Variants in C22orf39 observed in about 807,000 individuals in gnomAD.
C22orf39 encodes the protein chromosome 22 open reading frame 39.
A neutral mutation model predicts 18.3 loss-of-function variants in C22orf39; 20 were observed. The ratio of observed to expected loss-of-function variants is 1.09; its 90% CI spans 0.77 to 1.59. C22orf39 has a LOEUF of 1.59. C22orf39 is among the 40% of genes most tolerant of loss of function. C22orf39 has a pLI of 0.00. For missense variants in C22orf39, 195 were observed against 156.1 expected, an observed-to-expected ratio of 1.25 and a Z score of -1.33; for synonymous variants, 63 against 59.6, an observed-to-expected ratio of 1.06 and a Z score of -0.26.
chr22:19,441,323 GT>G lies in C22orf39; in HGVS notation c.*2941del. On this transcript the variant is annotated 3_prime_UTR_variant, in exon 3 of 3. Transcript: ENST00000399562. ...TACATGTATGTTTTCAAGATTGGCT[GT>G]TTTTGCTCTGAAGAATTTCCTTGAG... 3 of 277,394 alleles carry G rather than the reference GT, an allele frequency of 1.1e-5. No homozygotes were observed. Among genetic ancestry groups the G allele is most frequent in the East Asian group, 6.7e-5 (1 of 14,992 alleles). The allele number at this position is 277,394 out of a possible 1,614,324, so 17.2% of individuals were successfully genotyped here.
intron 2 of C22orf39, among the ~76,000 whole-genome samples, chr22:19,446,899 A>G (rs1164679427): frequency 6.6e-6 from 1 of 152,140 alleles, no homozygotes; most frequent in Admixed American, 6.6e-5. Flanking sequence ...TATAAATCGA[A>G]TTATGCCTCC....
At chr22:19,446,380 T>C (rs2089639576) in intron 2 of C22orf39, among the ~76,000 whole-genome samples, 1 of 152,340 alleles carries the variant, frequency 6.6e-6, no homozygotes, top group East Asian at 1.9e-4. Context: ...TTCAGATCAC[T>C]GTATACACTT....
In C22orf39 at chr22:19,447,490, C is replaced by A; in HGVS notation, c.80G>T (p.Arg27Met). ...GACGTAGTAGTGGTGTAGGAAGTGC[C>A]TGGCGCTGCGGCAGAGCTTCCACTC... Reference protein sequence around the residue: ...RAEWKLCRSARHFLHHYYVHG... With the variant: ...RAEWKLCRSAMHFLHHYYVHG... The change falls in exon 2 of 3, where the codon AGG becomes ATG. Residue 27 changes from arginine (R) to methionine (M), a missense_variant. Coordinates refer to ENST00000399562, the MANE Select transcript of C22orf39 (RefSeq NM_173793.5). 1 of 1,502,724 alleles carries A rather than the reference C, an allele frequency of 6.7e-7. No individual in the cohort carries two copies. The highest frequency in any genetic ancestry group is 8.8e-7 in the Non-Finnish European group (1 of 1,133,488). 93.1% of individuals were successfully genotyped at this position (1,502,724 alleles called of 1,614,324 possible).
In C22orf39 at chr22:19,440,894, C is replaced by T. The variant is rs1428856610; in HGVS notation, c.*3371G>A. On this transcript the variant is annotated 3_prime_UTR_variant, in exon 3 of 3. Transcript: ENST00000399562. ...TAGGTCATGGCCGACAGTTTGTTTT[C>T]AACTTTTTATTTTGAAGTAATTATA... 2 of 152,082 alleles carry T rather than the reference C, an allele frequency of 1.3e-5. No individual in the cohort carries two copies. Among genetic ancestry groups the T allele is most frequent in the African/African-American group, 4.8e-5 (2 of 41,392 alleles). The allele number at this position is 152,082 out of a possible 1,614,324, so 9.4% of individuals were successfully genotyped here. A position where few individuals can be genotyped will look rare whatever the true frequency, so the allele number is the denominator to read the frequency against.
In C22orf39 at chr22:19,442,010, C is replaced by T. The variant is rs1464520413; in HGVS notation, c.*2255G>A. ...CTTGTTACGTTGCCCAGGCTGGTCT[C>T]GAACTCCTGGGCTCAAGCAATCCTC... On this transcript the variant is annotated 3_prime_UTR_variant, in exon 3 of 3. Coordinates refer to ENST00000399562, the MANE Select transcript of C22orf39 (RefSeq NM_173793.5). 3.2e-5 allele frequency: 7 copies of T among 217,288 alleles called. No individual in the cohort carries two copies. The highest frequency in any genetic ancestry group is 1.2e-4 in the Admixed American group (2 of 17,268). The allele number at this position is 217,288 out of a possible 1,614,324, so 13.5% of individuals were successfully genotyped here.
At position 19,444,457 on chromosome 22, in the gene C22orf39, C is replaced by A. The variant is rs371146764; in HGVS notation, c.193-67G>T. Reference sequence around the variant, plus strand: ...CCCTCAAGACCCCTGTACCTCCCCCCTCTCATCACCCTCTGAAACACAGAT... The same window carrying A: ...CCCTCAAGACCCCTGTACCTCCCCCATCTCATCACCCTCTGAAACACAGAT... On this transcript the variant is annotated intron_variant, in intron 2 of 2. Coordinates refer to ENST00000399562, the MANE Select transcript of C22orf39 (RefSeq NM_173793.5). 9.9e-6 allele frequency: 15 copies of A among 1,516,360 alleles called. No homozygotes were observed. The African/African-American group carries it at 1.3e-4, about 13-fold the overall frequency. 93.9% of individuals were successfully genotyped at this position (1,516,360 alleles called of 1,614,324 possible).
In C22orf39 at chr22:19,447,417, G is replaced by C; in HGVS notation, c.153C>G (p.Ser51Arg). 6.6e-7 allele frequency: 1 copy of C among 1,507,574 alleles called. No homozygotes were observed. The highest frequency in any genetic ancestry group is 8.8e-7 in the Non-Finnish European group (1 of 1,136,042). 93.4% of individuals were successfully genotyped at this position (1,507,574 alleles called of 1,614,324 possible). ...TCCGGCGCTCCTCCCAGTCGCGGCA[G>C]CTGGCCAGGTCGCGCTGCCACTGTT... is the stretch of plus-strand genomic sequence containing the variant. ...ACEQWQRDLA[S>R]CRDWEERRNA... Residue 51 changes from serine to arginine, a missense_variant, in exon 2 of 3, where the codon AGC becomes AGG. By Grantham distance (110) the Ser-to-Arg change is moderately radical. Coordinates refer to ENST00000399562, the MANE Select transcript of C22orf39 (RefSeq NM_173793.5).
chr22:19,444,261 C>G lies in C22orf39; in HGVS notation c.*4G>C, dbSNP rs368195480. ...GCTGCACAGGCCAATGGCAGGGATG[C>G]TTGTCACTCGTCCTTCTCCTGTGGC... On this transcript the variant is annotated 3_prime_UTR_variant, in exon 3 of 3. Coordinates refer to ENST00000399562, the MANE Select transcript of C22orf39 (RefSeq NM_173793.5). 8 of 1,577,492 alleles carry G rather than the reference C, an allele frequency of 5.1e-6. No homozygotes were observed. Among genetic ancestry groups the G allele is most frequent in the Non-Finnish European group, 6.9e-6 (8 of 1,166,856 alleles).
At position 19,441,748 on chromosome 22, in the gene C22orf39, T is replaced by A; in HGVS notation, c.*2517A>T. 6.6e-7 allele frequency: 1 copy of A among 1,518,142 alleles called. No homozygotes were observed. Among genetic ancestry groups the A allele is most frequent in the East Asian group, 2.5e-5 (1 of 39,658 alleles). The allele number at this position is 1,518,142 out of a possible 1,614,324, so 94.0% of individuals were successfully genotyped here. ...CTTATTACAGTATTTGTTTTCTTCA[T>A]ACCACCACCATAAAATACCAAACTG... On this transcript the variant is annotated 3_prime_UTR_variant, in exon 3 of 3. Coordinates refer to ENST00000399562, the MANE Select transcript of C22orf39 (RefSeq NM_173793.5).
At position 19,441,552 on chromosome 22, in the gene C22orf39, G is replaced by A; in HGVS notation, c.*2713C>T. The A allele has an allele frequency of 1.6e-6, 1 of 641,158 alleles. No individual in the cohort carries two copies. Among genetic ancestry groups the A allele is most frequent in the South Asian group, 1.7e-5 (1 of 58,270 alleles). 39.7% of individuals were successfully genotyped at this position (641,158 alleles called of 1,614,324 possible). A position where few individuals can be genotyped will look rare whatever the true frequency, so the allele number is the denominator to read the frequency against. ...ATTTTTAAAACATTTATTTAGAGATGGGGTCTTGCTCTGTTGCCCAGGCTG... is the reference window on the plus strand; with the variant it reads ...ATTTTTAAAACATTTATTTAGAGATAGGGTCTTGCTCTGTTGCCCAGGCTG... On this transcript the variant is annotated 3_prime_UTR_variant, in exon 3 of 3. Transcript: ENST00000399562.
In C22orf39 at chr22:19,442,162, A is replaced by C. The variant is rs932898143; in HGVS notation, c.*2103T>G. 3 of 154,888 alleles carry C rather than the reference A, an allele frequency of 1.9e-5. No individual in the cohort carries two copies. Among genetic ancestry groups the C allele is most frequent in the Admixed American group, 1.9e-4 (3 of 15,580 alleles). The allele number at this position is 154,888 out of a possible 1,614,324, so 9.6% of individuals were successfully genotyped here. ...CCAAACTACAACAGAAACTCTTTGA[A>C]GACAACTTGTCTGTTTCAAAACTGT... On this transcript the variant is annotated 3_prime_UTR_variant, in exon 3 of 3. Transcript: ENST00000399562.
Position 19,441,713 on chromosome 22 carries a change from A to G in C22orf39, c.*2552T>C, listed in dbSNP as rs1281542377. On this transcript the variant is annotated 3_prime_UTR_variant, in exon 3 of 3. Coordinates refer to ENST00000399562, the MANE Select transcript of C22orf39 (RefSeq NM_173793.5). ...TTAGCACCTGTCCAAAAAGTTTGAA[A>G]GATATTGCTCTTATTACAGTATTTG... The G allele has an allele frequency of 3.5e-5, 55 of 1,549,828 alleles. No homozygotes were observed. The Admixed American group carries it at 1.1e-3, about 30-fold the overall frequency.
chr22:19,445,354 T>A (rs916791976), intron 2 of C22orf39, among the ~76,000 whole-genome samples: 9 of 152,228 alleles, frequency 5.9e-5, no homozygotes, highest in Admixed American at 1.3e-4. Context: ...AAAGGCTATC[T>A]GGTATTTCAC....
At position 19,447,223 on chromosome 22, in the gene C22orf39, C is replaced by A. The variant is rs377177214; in HGVS notation, c.192+155G>T. Among the ~76,000 whole-genome samples, 24 of 152,302 alleles carry A rather than the reference C, an allele frequency of 1.6e-4. No individual in the cohort carries two copies. In the East Asian group the frequency reaches 3.9e-3, roughly 25 times the overall value. On this transcript the variant is annotated intron_variant, in intron 2 of 2. Transcript: ENST00000399562. The stretch of plus-strand genomic sequence containing the variant: ...GCCCTCTGAAAGTCCTGTTGATATG[C>A]TAATTTACACAATCTCTCAAAAGAA...
In C22orf39 at chr22:19,444,082, G is replaced by A; in HGVS notation, c.*183C>T. On this transcript the variant is annotated 3_prime_UTR_variant, in exon 3 of 3. Coordinates refer to ENST00000399562, the MANE Select transcript of C22orf39 (RefSeq NM_173793.5). Reference sequence around the variant, plus strand: ...GTCCTGCAGAACATCGCAGTGTCAGGGTATCCTGCATGCAGGTGAGGGGTG... The same window carrying A: ...GTCCTGCAGAACATCGCAGTGTCAGAGTATCCTGCATGCAGGTGAGGGGTG... The A allele has an allele frequency of 7.5e-7, 1 of 1,337,612 alleles. No individual in the cohort carries two copies. The highest frequency in any genetic ancestry group is 9.5e-7 in the Non-Finnish European group (1 of 1,051,698). 82.9% of individuals were successfully genotyped at this position (1,337,612 alleles called of 1,614,324 possible).
chr22:19,444,913 T>C (rs1426438585), intron 2 of C22orf39, among the ~76,000 whole-genome samples: 2 of 152,170 alleles, frequency 1.3e-5, no homozygotes, highest in African/African-American at 4.8e-5. Flanking sequence ...AAGTGCCACT[T>C]AACCCATCAG....
At position 19,443,302 on chromosome 22, in the gene C22orf39, C is replaced by T; in HGVS notation, c.*963G>A. 1.0e-6 allele frequency: 1 copy of T among 985,488 alleles called. No individual in the cohort carries two copies. The highest frequency in any genetic ancestry group is 1.2e-6 in the Non-Finnish European group (1 of 829,934). The allele number at this position is 985,488 out of a possible 1,614,324, so 61.0% of individuals were successfully genotyped here. A position where few individuals can be genotyped will look rare whatever the true frequency, so the allele number is the denominator to read the frequency against. ...AGACCCAGCCTAGCCCTCAGCATCA[C>T]ACAACAGGGCCACCATAGGATGAGA... On this transcript the variant is annotated 3_prime_UTR_variant, in exon 3 of 3. Transcript: ENST00000399562.
chr22:19,441,170 A>C lies in C22orf39; in HGVS notation c.*3095T>G, dbSNP rs1435387140. 2.6e-5 allele frequency: 4 copies of C among 155,744 alleles called. No homozygotes were observed. The highest frequency in any genetic ancestry group is 9.6e-5 in the African/African-American group (4 of 41,484). The allele number at this position is 155,744 out of a possible 1,614,324, so 9.6% of individuals were successfully genotyped here. ...CAGTCAGGCTGACAGATGGTTTTCA[A>C]CACCACAGGACTCCCTCGTATGAAC... On this transcript the variant is annotated 3_prime_UTR_variant, in exon 3 of 3. Coordinates refer to ENST00000399562, the MANE Select transcript of C22orf39 (RefSeq NM_173793.5).
chr22:19,441,172 A>C lies in C22orf39; in HGVS notation c.*3093T>G, dbSNP rs1319342661. On this transcript the variant is annotated 3_prime_UTR_variant, in exon 3 of 3. Transcript: ENST00000399562. ...GTCAGGCTGACAGATGGTTTTCAAC[A>C]CCACAGGACTCCCTCGTATGAACCA... The C allele has an allele frequency of 6.4e-6, 1 of 155,892 alleles. No homozygotes were observed. Among genetic ancestry groups the C allele is most frequent in the African/African-American group, 2.4e-5 (1 of 41,472 alleles). The allele number at this position is 155,892 out of a possible 1,614,324, so 9.7% of individuals were successfully genotyped here.
Sources: allele counts gnomAD v4.1 joint callset (sites outside exome capture counted in the v4.1 genomes callset), GRCh38; gene constraint gnomAD v4.1.1; transcripts MANE v1.5; gene names NCBI Gene and HGNC (gene_info 2026-07-23, HGNC 2026-07-21).